TP63: variants seen among roughly 807,000 people sequenced by gnomAD.
The protein encoded by TP63 is tumor protein 63.
TP63 carries 17 observed loss-of-function variants against 82.8 expected under a neutral mutation model. The ratio of observed to expected loss-of-function variants is 0.21; its 90% CI spans 0.14 to 0.31. TP63 has a LOEUF of 0.31. Among genes scored for constraint, TP63 ranks in the 10% least tolerant of loss-of-function variants. TP63 has a pLI of 1.00. For synonymous variants in TP63, 330 were observed against 321.7 expected, an observed-to-expected ratio of 1.03 and a Z score of -0.28; for missense variants, 648 against 895.3, an observed-to-expected ratio of 0.72 and a Z score of 3.52.
At chr3:189,807,921 A>G (rs1727089655) in intron 3 of TP63, among the ~76,000 whole-genome samples, 1 of 152,234 alleles carries the variant, frequency 6.6e-6, no homozygotes, top group Non-Finnish European at 1.5e-5. Flanking sequence ...TCAAAATGGA[A>G]TAGCAGGCAG....
At chr3:189,810,395 A>T (rs1464754177) in intron 4 of TP63, among the ~76,000 whole-genome samples, 1 of 152,228 alleles carries the variant, frequency 6.6e-6, no homozygotes, top group Non-Finnish European at 1.5e-5. Flanking sequence ...TCTCCATTAT[A>T]TTAGGAGTCA....
chr3:189,732,503 T>A (rs1473420538), intron 1 of TP63, among the ~76,000 whole-genome samples: 1 of 152,226 alleles, frequency 6.6e-6, no homozygotes, highest in East Asian at 1.9e-4. Context: ...CTAATCAGTT[T>A]AATTCAGCAA....
chr3:189,825,202 A>G (rs577805148), intron 4 of TP63, among the ~76,000 whole-genome samples: 2 of 152,186 alleles, frequency 1.3e-5, no homozygotes, highest in Admixed American at 6.5e-5. Context: ...AAACATGTCT[A>G]ATTTTTAAAA....
chr3:189,721,136 TGAA>T (rs771518449), intron 1 of TP63, among the ~76,000 whole-genome samples: 4 of 152,348 alleles, frequency 2.6e-5, no homozygotes, highest in Non-Finnish European at 2.9e-5. Context: ...GTAGGAAGTT[TGAA>T]GAAGTCTTTG....
At chr3:189,789,549 T>C (rs1724910138) in intron 3 of TP63, 1 of 602,216 alleles carries the variant, frequency 1.7e-6, no homozygotes, top group Non-Finnish European at 2.4e-6. Context: ...CCTCACTCCA[T>C]TGGAGTGGAG....
chr3:189,637,030 C>T (rs759740124), intron 1 of TP63, among the ~76,000 whole-genome samples: 1 of 152,112 alleles, frequency 6.6e-6, no homozygotes, highest in Non-Finnish European at 1.5e-5. Flanking sequence ...GAGCCTATCT[C>T]AGCAGCTCAG....
In TP63 at chr3:189,876,567, G is replaced by T. The variant is rs147219467; in HGVS notation, c.1349+3572G>T. On this transcript the variant is annotated intron_variant, in intron 10 of 13. Transcript: ENST00000264731. Reference sequence around the variant, plus strand: ...TGTATTATATGCATGCTTTTGAGTTGGTATCTCACAGCTGTGATAACTTGT... The same window carrying T: ...TGTATTATATGCATGCTTTTGAGTTTGTATCTCACAGCTGTGATAACTTGT... 2.8e-4 allele frequency among the ~76,000 whole-genome samples: 42 copies of T among 152,162 alleles called. No homozygotes were observed. The East Asian group carries it at 7.9e-3, about 29-fold the overall frequency.
chr3:189,831,490 T>C (rs919126908), intron 4 of TP63, among the ~76,000 whole-genome samples: 1 of 151,974 alleles, frequency 6.6e-6, no homozygotes, highest in Non-Finnish European at 1.5e-5. Context: ...ACACTCCAAG[T>C]TCAGTGTTGT....
In TP63 at chr3:189,652,764, T is replaced by C. The variant is rs145597065; in HGVS notation, c.62+21187T>C. 1.9e-4 allele frequency among the ~76,000 whole-genome samples: 28 copies of C among 146,646 alleles called. 1 individual carries two copies. The highest frequency in any genetic ancestry group is 6.4e-4 in the African/African-American group (25 of 39,130). ...GGAGATAATTGAATCATGGGAGCAG[T>C]TTCCCCCATCCTGTTCTCATGATAG... On this transcript the variant is annotated intron_variant, in intron 1 of 13. Coordinates refer to ENST00000264731, the MANE Select transcript of TP63 (RefSeq NM_003722.5).
At chr3:189,692,438 C>T (rs1410380858) in intron 1 of TP63, among the ~76,000 whole-genome samples, 3 of 151,584 alleles carry the variant, frequency 2.0e-5, no homozygotes, top group Non-Finnish European at 1.5e-5. Flanking sequence ...TTCATCCTTC[C>T]CCTTCCTCCC....
intron 1 of TP63, among the ~76,000 whole-genome samples, chr3:189,733,484 A>G (rs1475387386): frequency 6.6e-6 from 1 of 152,194 alleles, no homozygotes; most frequent in Non-Finnish European, 1.5e-5. Context: ...TTTACCTTCT[A>G]GTGCTCACCT....
At chr3:189,836,324 A>T (rs1349342482) in intron 4 of TP63, among the ~76,000 whole-genome samples, 1 of 152,178 alleles carries the variant, frequency 6.6e-6, no homozygotes. Flanking sequence ...GTTTACAAAC[A>T]TGATCAGCAC....
intron 4 of TP63, among the ~76,000 whole-genome samples, chr3:189,836,980 C>A (rs1388275273): frequency 6.6e-6 from 1 of 152,220 alleles, no homozygotes; most frequent in African/African-American, 2.4e-5. Flanking sequence ...ATTCTCACTT[C>A]TCACATGCAA....
At chr3:189,654,079 G>A (rs1713117899) in intron 1 of TP63, among the ~76,000 whole-genome samples, 1 of 152,026 alleles carries the variant, frequency 6.6e-6, no homozygotes, top group Non-Finnish European at 1.5e-5. Context: ...TGTATACCTA[G>A]TCTCCCATTT....
chr3:189,844,795 G>A (rs1296250941), intron 4 of TP63, among the ~76,000 whole-genome samples: 1 of 152,052 alleles, frequency 6.6e-6, no homozygotes, highest in African/African-American at 2.4e-5. Context: ...TACTGAATTG[G>A]ATCTTTAGAA....
At chr3:189,639,165 G>A (rs1368097271) in intron 1 of TP63, among the ~76,000 whole-genome samples, 1 of 152,136 alleles carries the variant, frequency 6.6e-6, no homozygotes, top group East Asian at 1.9e-4. Flanking sequence ...AAGTCCTCAA[G>A]CAACAAGTGA....
rs201306394 is a variant in TP63 at position 189,639,414 on chromosome 3, CATCCTT to C, written c.62+7840_62+7845del. On this transcript the variant is annotated intron_variant, in intron 1 of 13. Transcript: ENST00000264731. ...AGATTGTGGGAATTAATTCTTGCTC[CATCCTT>C]ATTTTTATTGTTCGCCTTCCATTCT... is the stretch of plus-strand genomic sequence containing the variant. Among the ~76,000 whole-genome samples the C allele has an allele frequency of 8.9e-3, 1,358 of 152,174 alleles. 65 individuals carry two copies. The highest frequency in any genetic ancestry group is 0.079 in the Admixed American group (1,212 of 15,252).
At chr3:189,620,097 G>A in the TP63 span, among the ~76,000 whole-genome samples, 1 of 152,254 alleles carries the variant, frequency 6.6e-6, no homozygotes, top group East Asian at 1.9e-4. Flanking sequence ...TCTTGGCTGG[G>A]TGTGGTGGCT....
intron 3 of TP63, among the ~76,000 whole-genome samples, chr3:189,764,694 A>G (rs1722810020): frequency 6.6e-6 from 1 of 152,164 alleles, no homozygotes; most frequent in South Asian, 2.1e-4. Context: ...TTCTAACTTC[A>G]TTGTGTTTAC....
Sources: allele counts gnomAD v4.1 joint callset (sites outside exome capture counted in the v4.1 genomes callset), GRCh38; gene constraint gnomAD v4.1.1; transcripts MANE v1.5; gene names NCBI Gene and HGNC (gene_info 2026-07-23, HGNC 2026-07-21).